BAIAP2L1: variants seen among roughly 807,000 people sequenced by gnomAD.
BAIAP2L1 encodes BAR/IMD domain containing adaptor protein 2 like 1.
A neutral mutation model predicts 66.3 loss-of-function variants in BAIAP2L1; 35 were observed. The observed-to-expected ratio is 0.53, with a 90% CI of 0.40 to 0.70. BAIAP2L1 has a LOEUF of 0.70. BAIAP2L1 is among the 30% of genes least tolerant of loss of function. The pLI is 0.00. For missense variants in BAIAP2L1, 622 were observed against 656.9 expected (o/e 0.95, Z 0.58); for synonymous variants, 269 against 248.7 (o/e 1.08, Z -0.77).
At chr7:98,308,961 G>A (rs1232171028) in intron 9 of BAIAP2L1, 4 of 151,976 alleles carry the variant, frequency 2.6e-5, no homozygotes, top group Admixed American at 2.6e-4. Context: ...TTACAGGTTT[G>A]AGCCACTGCT....
Position 98,400,926 on chromosome 7 carries a change from G to A in BAIAP2L1, c.-74C>T, listed in dbSNP as rs1584515709. 5 of 1,412,362 alleles carry A rather than the reference G, an allele frequency of 3.5e-6. No individual in the cohort carries two copies. The East Asian group carries it at 1.4e-4, about 41-fold the overall frequency. 87.5% of individuals were successfully genotyped at this position (1,412,362 alleles called of 1,614,324 possible). Reference sequence around the variant, plus strand: ...GTGGCCGCCGGACTCCGGGCAGCGGGAGGGCCGGGGCGCGACTAAGGGGCT... The same window carrying A: ...GTGGCCGCCGGACTCCGGGCAGCGGAAGGGCCGGGGCGCGACTAAGGGGCT... On this transcript the variant is annotated 5_prime_UTR_variant, in exon 1 of 14. Transcript: ENST00000005260.
intron 1 of BAIAP2L1, among the ~76,000 whole-genome samples, chr7:98,373,852 GTCA>G (rs1188888435): frequency 6.6e-6 from 1 of 152,212 alleles, no homozygotes; most frequent in Non-Finnish European, 1.5e-5. Flanking sequence ...CCACCCTGGT[GTCA>G]TCATCAGGAC....
At chr7:98,301,189 C>T (rs1800404863) in intron 12 of BAIAP2L1, among the ~76,000 whole-genome samples, 3 of 152,178 alleles carry the variant, frequency 2.0e-5, no homozygotes, top group Non-Finnish European at 2.9e-5. Context: ...CAGAGGTCTG[C>T]GGCCCAGGAA....
At chr7:98,332,314 C>T (rs1801514199) in intron 3 of BAIAP2L1, among the ~76,000 whole-genome samples, 1 of 123,284 alleles carries the variant, frequency 8.1e-6, no homozygotes. Context: ...ATTCAGGAGG[C>T]AGAGGTTGCA....
chr7:98,310,821 G>C (rs1800841864), intron 8 of BAIAP2L1, among the ~76,000 whole-genome samples: 1 of 152,098 alleles, frequency 6.6e-6, no homozygotes, highest in South Asian at 2.1e-4. Flanking sequence ...TGAGTAGCTG[G>C]ATAACAGGCA....
intron 12 of BAIAP2L1, among the ~76,000 whole-genome samples, chr7:98,296,681 T>G (rs1004483350): frequency 6.6e-6 from 1 of 152,150 alleles, no homozygotes; most frequent in African/African-American, 2.4e-5. Flanking sequence ...AAAAACATAT[T>G]GGACGTGTTC....
At chr7:98,361,010 G>A (rs2115721576) in intron 2 of BAIAP2L1, among the ~76,000 whole-genome samples, 1 of 152,354 alleles carries the variant, frequency 6.6e-6, no homozygotes, top group Middle Eastern at 3.4e-3. Context: ...CTGAGCGAGA[G>A]TGAGGCCACA....
chr7:98,320,004 G>A (rs763348166), intron 5 of BAIAP2L1, 54 bp downstream of exon 5: 37 of 1,457,092 alleles, frequency 2.5e-5, no homozygotes, highest in Non-Finnish European at 3.4e-5. Context: ...GTTCTCCCCA[G>A]GCTGGGAGGT....
At chr7:98,303,698 C>A (rs77092172) in intron 12 of BAIAP2L1, among the ~76,000 whole-genome samples, 126 of 152,162 alleles carry the variant, frequency 8.3e-4, no homozygotes, top group African/African-American at 2.6e-3. Context: ...CCCAGAGGCA[C>A]GTTAGGGTTA....
At chr7:98,332,907 G>A (rs552314394) in intron 3 of BAIAP2L1, among the ~76,000 whole-genome samples, 1 of 150,162 alleles carries the variant, frequency 6.7e-6, no homozygotes, top group South Asian at 2.1e-4. Context: ...TAGAGCCCTT[G>A]CCAGGACTCT....
intron 1 of BAIAP2L1, among the ~76,000 whole-genome samples, chr7:98,363,793 GAAC>G (rs764687389): frequency 2.0e-5 from 3 of 152,048 alleles, no homozygotes; most frequent in Non-Finnish European, 2.9e-5. Flanking sequence ...AAAAAAGAAT[GAAC>G]AACTACCCAA....
intron 1 of BAIAP2L1, among the ~76,000 whole-genome samples, chr7:98,389,933 T>TTTTTTTTTTTTTG (rs71292947): frequency 2.0e-5 from 3 of 150,730 alleles, no homozygotes; most frequent in African/African-American, 4.9e-5. Flanking sequence ...TTTTTTTTTT[T>TTTTTTTTTTTTTG]GAGAGGTAGT....
intron 1 of BAIAP2L1, among the ~76,000 whole-genome samples, chr7:98,367,534 C>CATTT (rs1382176038): frequency 1.7e-5 from 2 of 114,526 alleles, no homozygotes; most frequent in East Asian, 2.6e-4. Context: ...CCACACCTGG[C>CATTT]TTTTTTTTTT....
chr7:98,314,068 C>G (rs988903756), intron 7 of BAIAP2L1, among the ~76,000 whole-genome samples: 1 of 149,800 alleles, frequency 6.7e-6, no homozygotes, highest in African/African-American at 2.5e-5. Flanking sequence ...TCACTGCAAC[C>G]TCAGCCTCCT....
rs569983197 is a variant in BAIAP2L1, at chr7:98,365,333, CT to C, written c.52-2902del. On this transcript the variant is annotated intron_variant, in intron 1 of 13. Transcript: ENST00000005260. The stretch of plus-strand genomic sequence containing the variant: ...ATATATCCTGGATTTATTCTCTAAT[CT>C]TTTTTGATTTTCCACTTTCAGTAGT... Among the ~76,000 whole-genome samples the C allele has an allele frequency of 2.4e-3, 367 of 152,286 alleles. 1 individual carries two copies. The highest frequency in any genetic ancestry group is 8.4e-3 in the African/African-American group (348 of 41,570).
intron 2 of BAIAP2L1, among the ~76,000 whole-genome samples, chr7:98,359,745 G>GTTT (rs780836343): frequency 0.087 from 9,463 of 108,706 alleles, 297 homozygotes; most frequent in Non-Finnish European, 0.13. Context: ...GTAGACCTGG[G>GTTT]TTTTTTTTTT....
At chr7:98,308,531 G>GC (rs1388395231) in intron 9 of BAIAP2L1, 1 of 345,058 alleles carries the variant, frequency 2.9e-6, no homozygotes, top group Non-Finnish European at 5.8e-6. Flanking sequence ...CCCACAGCTG[G>GC]CAAGTGGCTG....
chr7:98,380,736 GTTT>G (rs11293027), intron 1 of BAIAP2L1, among the ~76,000 whole-genome samples: 16 of 115,184 alleles, frequency 1.4e-4, no homozygotes, highest in African/African-American at 4.3e-4. Context: ...TATCCGGTCC[GTTT>G]TTTTTTTTTT....
chr7:98,317,539 G>A (rs184622261), intron 5 of BAIAP2L1, among the ~76,000 whole-genome samples, 183 bp from the exon 6 acceptor site: 4 of 149,962 alleles, frequency 2.7e-5, no homozygotes, highest in Admixed American at 6.7e-5. Context: ...CCTGCTGGCC[G>A]GGGTCCCATG....
Sources: gnomAD v4.1 joint callset for allele counts (sites outside exome capture counted in the v4.1 genomes callset) on GRCh38, gnomAD v4.1.1 for gene constraint, MANE v1.5 for transcripts, NCBI Gene and HGNC (gene_info 2026-07-23, HGNC 2026-07-21) for gene names.